The following UNC13C variants were observed in gnomAD, a reference collection of about 807,000 sequenced individuals.
UNC13C encodes the protein protein unc-13 homolog C.
UNC13C carries 174 observed loss-of-function variants against 245.4 expected under a neutral mutation model. That is an observed-to-expected ratio of 0.71 (90% CI 0.63 to 0.80). The LOEUF is 0.80. Among genes scored for constraint, UNC13C ranks in the 30% least tolerant of loss-of-function variants. UNC13C has a pLI of 0.00. For missense variants in UNC13C, 2,829 were observed against 2,602.9 expected (o/e 1.09, Z -1.89); for synonymous variants, 992 against 895.1 (o/e 1.11, Z -1.93).
downstream of UNC13C, chr15:54,628,818 TTA>T (rs1901364931): frequency 6.7e-6 from 1 of 150,280 alleles, no homozygotes; most frequent in South Asian, 2.1e-4. Context: ...GTTTGTTTGT[TTA>T]TACACTGCTG....
At position 54,620,566 on chromosome 15, in the gene UNC13C, C is replaced by T. The variant is rs189406650; in HGVS notation, c.6107-1761C>T. Reference sequence around the variant, plus strand: ...ACTCATTTCTTAAAGTTTCATTCTGCTCACATTAAAGCTTTGGCTCTATTC... The same window carrying T: ...ACTCATTTCTTAAAGTTTCATTCTGTTCACATTAAAGCTTTGGCTCTATTC... On this transcript the variant is annotated intron_variant, in intron 30 of 32. Transcript: ENST00000260323. Among the ~76,000 whole-genome samples the T allele has an allele frequency of 2.6e-5, 4 of 152,138 alleles. No individual in the cohort carries two copies. The East Asian group carries it at 7.8e-4, about 30-fold the overall frequency.
chr15:54,525,785 A>T (rs1895425353), intron 25 of UNC13C, 148 bp downstream of exon 25: 2 of 691,280 alleles, frequency 2.9e-6, no homozygotes, highest in Middle Eastern at 3.2e-4. Flanking sequence ...AACATCTGTT[A>T]TGACCCCACA....
At chr15:53,952,331 A>T in the UNC13C span, among the ~76,000 whole-genome samples, 1 of 152,294 alleles carries the variant, frequency 6.6e-6, no homozygotes, top group East Asian at 1.9e-4. Context: ...AAGGAAATAG[A>T]TTCATTCAGC....
intron 24 of UNC13C, among the ~76,000 whole-genome samples, chr15:54,513,992 G>T (rs1056771476): frequency 6.6e-6 from 1 of 152,072 alleles, no homozygotes; most frequent in African/African-American, 2.4e-5. Context: ...AGCAAGACTT[G>T]CATTCAAGTC....
At chr15:54,524,733 T>C (rs80061494) in intron 24 of UNC13C, among the ~76,000 whole-genome samples, 16,280 of 152,218 alleles carry the variant, frequency 0.11, 1,145 homozygotes, top group Middle Eastern at 0.19. Flanking sequence ...TTATACTAAG[T>C]CATGCTTTAA....
At chr15:54,482,111 C>T (rs1452749827) in intron 19 of UNC13C, among the ~76,000 whole-genome samples, 1 of 152,090 alleles carries the variant, frequency 6.6e-6, no homozygotes, top group African/African-American at 2.4e-5. Context: ...ACCACATGTT[C>T]CCTGGGGTGT....
rs536710585 is a variant in UNC13C, at chr15:54,192,107, C to T, written c.3072-42923C>T. 2.4e-4 allele frequency among the ~76,000 whole-genome samples: 37 copies of T among 152,250 alleles called. 1 individual carries two copies. Among genetic ancestry groups the T allele is most frequent in the Admixed American group, 5.9e-4 (9 of 15,290 alleles). On this transcript the variant is annotated intron_variant, in intron 4 of 32. Coordinates refer to ENST00000260323, the MANE Select transcript of UNC13C (RefSeq NM_001080534.3). ...GCTTTTTGTGTTTTATTCATGGAGT[C>T]TTTGCCCATGCCTATGTCCTGAATG... is the stretch of plus-strand genomic sequence containing the variant.
At chr15:53,879,982 T>G in the UNC13C span, among the ~76,000 whole-genome samples, 1 of 152,000 alleles carries the variant, frequency 6.6e-6, no homozygotes, top group Non-Finnish European at 1.5e-5. Context: ...TATATACATA[T>G]ATATGTAATT....
At chr15:54,520,790 A>G (rs1011837260) in intron 24 of UNC13C, among the ~76,000 whole-genome samples, 14 of 152,192 alleles carry the variant, frequency 9.2e-5, no homozygotes, top group Non-Finnish European at 7.4e-5. Flanking sequence ...CGTCAGTGGC[A>G]TATCTGTAAC....
intron 2 of UNC13C, among the ~76,000 whole-genome samples, chr15:54,083,093 G>A (rs1042312062): frequency 1.6e-4 from 25 of 152,090 alleles, no homozygotes; most frequent in Admixed American, 1.6e-3. Flanking sequence ...TCAGCTCAGG[G>A]GGAAGTGCCC....
intron 2 of UNC13C, among the ~76,000 whole-genome samples, chr15:54,031,836 C>G (rs1896370756): frequency 6.6e-6 from 1 of 152,178 alleles, no homozygotes; most frequent in South Asian, 2.1e-4. Context: ...ATGTTATCTG[C>G]TTAACATGGT....
intron 2 of UNC13C, among the ~76,000 whole-genome samples, chr15:54,122,076 G>A (rs1445071613): frequency 6.6e-6 from 1 of 151,740 alleles, no homozygotes; most frequent in Non-Finnish European, 1.5e-5. Flanking sequence ...AGTAATATTT[G>A]CTAATATGGC....
At chr15:53,883,784 A>G in the UNC13C span, among the ~76,000 whole-genome samples, 1 of 152,316 alleles carries the variant, frequency 6.6e-6, no homozygotes, top group Non-Finnish European at 1.5e-5. Flanking sequence ...TACTTTCAAG[A>G]AGTACATAAA....
chr15:53,864,598 G>A, the UNC13C span, among the ~76,000 whole-genome samples: 1 of 152,092 alleles, frequency 6.6e-6, no homozygotes. Flanking sequence ...TCTCTACCTA[G>A]GCTATATCCT....
At chr15:54,029,885 T>C (rs1465363296) in intron 2 of UNC13C, among the ~76,000 whole-genome samples, 3 of 152,166 alleles carry the variant, frequency 2.0e-5, no homozygotes, top group Non-Finnish European at 2.9e-5. Context: ...CACCTTCATC[T>C]TTTCAGATCT....
intron 30 of UNC13C, among the ~76,000 whole-genome samples, chr15:54,592,641 GC>G (rs1247439194): frequency 6.6e-6 from 1 of 151,970 alleles, no homozygotes; most frequent in African/African-American, 2.4e-5. Context: ...GTGTCTTTTT[GC>G]ATGAAATGCC....
At chr15:54,599,664 C>CTGTTTT (rs1259342296) in intron 30 of UNC13C, among the ~76,000 whole-genome samples, 1 of 152,010 alleles carries the variant, frequency 6.6e-6, no homozygotes, top group Non-Finnish European at 1.5e-5. Flanking sequence ...GTTGTCTAGA[C>CTGTTTT]TGTTTTTAGG....
intron 4 of UNC13C, among the ~76,000 whole-genome samples, chr15:54,199,057 CT>C (rs2034444482): frequency 2.0e-5 from 3 of 151,844 alleles, no homozygotes; most frequent in South Asian, 4.1e-4. Flanking sequence ...ACTGGAAACT[CT>C]CAGCAATAGA....
chr15:54,107,160 T>G (rs1156898521), intron 2 of UNC13C, among the ~76,000 whole-genome samples: 1 of 152,190 alleles, frequency 6.6e-6, no homozygotes, highest in Non-Finnish European at 1.5e-5. Flanking sequence ...TTTTGACTGT[T>G]TTATTTATTT....
Sources: gnomAD v4.1 joint callset for allele counts (sites outside exome capture counted in the v4.1 genomes callset) on GRCh38, gnomAD v4.1.1 for gene constraint, MANE v1.5 for transcripts, NCBI Gene and HGNC (gene_info 2026-07-23, HGNC 2026-07-21) for gene names.